Variants in LNX1 observed in about 807,000 individuals in gnomAD.
LNX1 encodes the protein E3 ubiquitin-protein ligase LNX.
In LNX1, 54 loss-of-function variants were observed where a neutral mutation model predicts 68.4. The ratio of observed to expected loss-of-function variants is 0.79; its 90% CI spans 0.63 to 0.99. The LOEUF is 0.99. LNX1 is among the 50% of genes least tolerant of loss of function. LNX1 has a pLI of 0.00. For missense variants in LNX1, 906 were observed against 926.4 expected, an observed-to-expected ratio of 0.98 and a Z score of 0.29; for synonymous variants, 336 against 350.0, an observed-to-expected ratio of 0.96 and a Z score of 0.45.
At chr4:53,501,131 A>T (rs1296814879) in intron 4 of LNX1, among the ~76,000 whole-genome samples, 1 of 152,110 alleles carries the variant, frequency 6.6e-6, no homozygotes, top group African/African-American at 2.4e-5. Context: ...GAAAGTAAAA[A>T]ATTTGCTCAA....
chr4:53,499,374 G>A (rs529421346), intron 4 of LNX1, among the ~76,000 whole-genome samples: 1 of 152,168 alleles, frequency 6.6e-6, no homozygotes, highest in South Asian at 2.1e-4. Flanking sequence ...GTCCAGGCTG[G>A]TCTTGAAATC....
intron 6 of LNX1, among the ~76,000 whole-genome samples, chr4:53,488,404 T>C (rs143625072): frequency 1.2e-4 from 19 of 152,340 alleles, no homozygotes; most frequent in African/African-American, 4.6e-4. Context: ...CAACTATTCC[T>C]AGTTTTTTCC....
At chr4:53,568,447 C>A (rs1730870888) in intron 2 of LNX1, among the ~76,000 whole-genome samples, 1 of 152,118 alleles carries the variant, frequency 6.6e-6, no homozygotes, top group Non-Finnish European at 1.5e-5. Flanking sequence ...AATTCAACAA[C>A]CTTTCATGCT....
At chr4:53,578,459 G>A (rs1731633647) in intron 1 of LNX1, among the ~76,000 whole-genome samples, 1 of 152,120 alleles carries the variant, frequency 6.6e-6, no homozygotes, top group Non-Finnish European at 1.5e-5. Flanking sequence ...ACAATGGTAA[G>A]TATTTATATA....
chr4:53,480,681 G>A (rs1723852112), intron 7 of LNX1, among the ~76,000 whole-genome samples: 1 of 152,132 alleles, frequency 6.6e-6, no homozygotes, highest in Admixed American at 6.5e-5. Context: ...GCTGGCTGGA[G>A]AACCTGGAGG....
chr4:53,561,428 G>C (rs751577049), intron 2 of LNX1, among the ~76,000 whole-genome samples: 20 of 152,194 alleles, frequency 1.3e-4, no homozygotes, highest in Non-Finnish European at 2.6e-4. Flanking sequence ...GGGTTTCACT[G>C]TGTTGGCCAT....
rs1723948430 is a variant in LNX1, at chr4:53,481,984, G to T, written c.1351-130C>A. ...CAAAACATGATTTCTAGTTTGTTGG[G>T]TTTTTTTGTTACTATCCATCTTGTA... On this transcript the variant is annotated intron_variant, in intron 6 of 10. Coordinates refer to ENST00000263925, the MANE Select transcript of LNX1 (RefSeq NM_001126328.3). The T allele has an allele frequency of 1.5e-5, 18 of 1,183,944 alleles. 1 individual carries two copies. Among genetic ancestry groups the T allele is most frequent in the Non-Finnish European group, 1.7e-5 (15 of 872,476 alleles). The allele number at this position is 1,183,944 out of a possible 1,614,324, so 73.3% of individuals were successfully genotyped here.
chr4:53,503,330 C>T (rs947494606), intron 4 of LNX1, among the ~76,000 whole-genome samples: 1 of 152,194 alleles, frequency 6.6e-6, no homozygotes, highest in African/African-American at 2.4e-5. Flanking sequence ...CTATGTATGG[C>T]AGCTATAGCC....
chr4:53,570,583 G>A (rs909208288), intron 2 of LNX1, among the ~76,000 whole-genome samples: 6 of 151,256 alleles, frequency 4.0e-5, no homozygotes, highest in Non-Finnish European at 5.9e-5. Flanking sequence ...GTTAGTGGGT[G>A]CAGCACACCA....
intron 6 of LNX1, among the ~76,000 whole-genome samples, chr4:53,494,796 G>T (rs1724933383): frequency 6.6e-6 from 1 of 152,196 alleles, no homozygotes; most frequent in Non-Finnish European, 1.5e-5. Context: ...GAACATAAGA[G>T]CCCAGAACAA....
At chr4:53,605,277 A>G (rs1352272435) in intron 2 of LNX1, among the ~76,000 whole-genome samples, 2 of 152,240 alleles carry the variant, frequency 1.3e-5, no homozygotes, top group African/African-American at 2.4e-5. Context: ...AAAATACTTA[A>G]AAAGAAATTT....
upstream of LNX1, among the ~76,000 whole-genome samples, chr4:53,618,974 A>T (rs57911627): frequency 1.7e-3 from 260 of 151,944 alleles, 6 homozygotes; most frequent in East Asian, 0.044. Context: ...GTGGTCTCTA[A>T]CTCCTGGGCT....
At chr4:53,598,613 G>A (rs868839883) in intron 2 of LNX1, among the ~76,000 whole-genome samples, 1 of 152,228 alleles carries the variant, frequency 6.6e-6, no homozygotes, top group Middle Eastern at 3.4e-3. Flanking sequence ...TCAGGACTTA[G>A]CCTGGTATCT....
At chr4:53,629,147 C>T (rs1734179930) in intron 1 of LNX1, among the ~76,000 whole-genome samples, 1 of 152,028 alleles carries the variant, frequency 6.6e-6, no homozygotes, top group Non-Finnish European at 1.5e-5. Flanking sequence ...AAAAACAGAC[C>T]ACAAACAAAA....
chr4:53,487,238 T>A (rs778211974), intron 6 of LNX1, among the ~76,000 whole-genome samples: 1 of 152,130 alleles, frequency 6.6e-6, no homozygotes, highest in African/African-American at 2.4e-5. Flanking sequence ...ATTGCATGAG[T>A]CCATACAGTG....
chr4:53,497,676 C>T (rs979686702), intron 5 of LNX1, among the ~76,000 whole-genome samples: 1 of 151,934 alleles, frequency 6.6e-6, no homozygotes, highest in African/African-American at 2.4e-5. Flanking sequence ...CCCTGCCAGG[C>T]AGCATAGTTT....
intron 1 of LNX1, among the ~76,000 whole-genome samples, chr4:53,578,512 T>C (rs2109791754): frequency 6.6e-6 from 1 of 152,324 alleles, no homozygotes; most frequent in African/African-American, 2.4e-5. Flanking sequence ...ATTTTAATCT[T>C]ATGGGATCAC....
intron 2 of LNX1, 61 bp downstream of exon 2, chr4:53,573,562 G>A (rs1731296487): frequency 1.7e-6 from 2 of 1,172,096 alleles, no homozygotes; most frequent in Non-Finnish European, 1.2e-6. Flanking sequence ...ACTGGGGGGT[G>A]GAGGGGTCCA....
chr4:53,637,859 C>T (rs572858052), intron 1 of LNX1, among the ~76,000 whole-genome samples: 5 of 152,286 alleles, frequency 3.3e-5, no homozygotes, highest in African/African-American at 1.2e-4. Context: ...GATTAGACCA[C>T]CACTCAAAGT....
Sources: gnomAD v4.1 joint callset for allele counts (sites outside exome capture counted in the v4.1 genomes callset) on GRCh38, gnomAD v4.1.1 for gene constraint, MANE v1.5 for transcripts, NCBI Gene and HGNC (gene_info 2026-07-23, HGNC 2026-07-21) for gene names.